HIVEP3: variants seen among roughly 807,000 people sequenced by gnomAD.
The protein encoded by HIVEP3 is HIVEP zinc finger 3.
In HIVEP3, 49 loss-of-function variants were observed where a neutral mutation model predicts 152.8. That is an observed-to-expected ratio of 0.32 (90% CI 0.26 to 0.41). The LOEUF is 0.41. HIVEP3 is among the 10% of genes least tolerant of loss of function. The pLI, the probability that HIVEP3 is intolerant of heterozygous loss-of-function variation, is 1.00. For synonymous variants in HIVEP3, 1,269 were observed against 1,289.0 expected, an observed-to-expected ratio of 0.98 and a Z score of 0.33; for missense variants, 2,790 against 3,103.3, an observed-to-expected ratio of 0.90 and a Z score of 2.40.
intron 1 of HIVEP3, among the ~76,000 whole-genome samples, chr1:41,911,019 A>G (rs920111738): frequency 3.3e-5 from 5 of 152,132 alleles, no homozygotes; most frequent in Non-Finnish European, 7.4e-5. Flanking sequence ...ATTTTATTAC[A>G]TTGAAATTAA....
intron 2 of HIVEP3, among the ~76,000 whole-genome samples, chr1:41,653,815 T>TC (rs1248976201): frequency 6.6e-6 from 1 of 151,920 alleles, no homozygotes; most frequent in African/African-American, 2.4e-5. Context: ...AGCCCAAGGG[T>TC]CCCCAGAGAC....
chr1:41,808,144 C>T (rs1046326499), intron 1 of HIVEP3, among the ~76,000 whole-genome samples: 2 of 152,226 alleles, frequency 1.3e-5, no homozygotes, highest in Non-Finnish European at 2.9e-5. Flanking sequence ...TTACTACCCC[C>T]ATTTGGTAGA....
chr1:41,887,860 G>A (rs570176034), intron 1 of HIVEP3, among the ~76,000 whole-genome samples: 91 of 152,064 alleles, frequency 6.0e-4, no homozygotes, highest in African/African-American at 2.0e-3. Flanking sequence ...GGCCACATGC[G>A]GCTATTTAAA....
chr1:41,852,405 G>A (rs553293822), intron 1 of HIVEP3, among the ~76,000 whole-genome samples: 27 of 152,348 alleles, frequency 1.8e-4, no homozygotes, highest in South Asian at 1.0e-3. Flanking sequence ...GAAACAAGCC[G>A]GAAGCCCTCA....
At chr1:41,610,193 C>T (rs1644878447) in intron 3 of HIVEP3, among the ~76,000 whole-genome samples, 1 of 152,188 alleles carries the variant, frequency 6.6e-6, no homozygotes, top group Non-Finnish European at 1.5e-5. Flanking sequence ...CACACATACA[C>T]AATTGGTTCT....
intron 1 of HIVEP3, among the ~76,000 whole-genome samples, chr1:41,865,989 T>C (rs929143951): frequency 6.6e-6 from 1 of 152,208 alleles, no homozygotes; most frequent in Non-Finnish European, 1.5e-5. Flanking sequence ...ATCTGAGGCC[T>C]TCTGTGCCTT....
intron 1 of HIVEP3, among the ~76,000 whole-genome samples, chr1:41,795,070 A>T (rs1327217049): frequency 6.6e-6 from 1 of 152,254 alleles, no homozygotes; most frequent in Non-Finnish European, 1.5e-5. Flanking sequence ...CTAAGAAATT[A>T]ACACTGGTAC....
At position 41,580,927 on chromosome 1, in the gene HIVEP3, C is replaced by G; in HGVS notation, c.3871G>C (p.Ala1291Pro). 6.2e-7 allele frequency: 1 copy of G among 1,612,366 alleles called. No individual in the cohort carries two copies. ...GGTGCTGAGGAGCTGGCTGGGGGAG[C>G]CACAGGGGGTAGCCGGATGTCACTG... ...YSSDIRLPPVAPPASSSAPTS... is the reference protein window; with the variant it reads ...YSSDIRLPPVPPPASSSAPTS... Residue 1291 changes from alanine (A) to proline (P), a missense_variant, in exon 4 of 9, where the codon GCT (alanine) becomes CCT (proline). Physicochemically the swap from Ala to Pro is conservative, Grantham distance 27. This residue lies in a region of HIVEP3 where 1,078 missense variants were observed against 1,165.3 expected (regional missense o/e 0.93). Coordinates refer to ENST00000372583, the MANE Select transcript of HIVEP3 (RefSeq NM_024503.5).
intron 2 of HIVEP3, among the ~76,000 whole-genome samples, chr1:41,671,479 C>T (rs747846853): frequency 2.6e-5 from 4 of 152,324 alleles, no homozygotes; most frequent in African/African-American, 4.8e-5. Context: ...GACCAATAGG[C>T]CCTGCCATGG....
intron 2 of HIVEP3, among the ~76,000 whole-genome samples, chr1:41,693,611 TC>T (rs370609307): frequency 6.6e-6 from 1 of 152,348 alleles, no homozygotes; most frequent in Non-Finnish European, 1.5e-5. Flanking sequence ...TTTGTTATCA[TC>T]CTTTAACCTG....
chr1:41,675,204 G>T (rs572612872), intron 2 of HIVEP3, among the ~76,000 whole-genome samples: 30 of 152,078 alleles, frequency 2.0e-4, no homozygotes, highest in Non-Finnish European at 3.7e-4. Flanking sequence ...TCTTCCACAT[G>T]GTGTCCAAGG....
chr1:41,921,065 G>A (rs1557523578), upstream of HIVEP3, among the ~76,000 whole-genome samples: 1 of 152,216 alleles, frequency 6.6e-6, no homozygotes, highest in African/African-American at 2.4e-5. Flanking sequence ...CTATCCATAT[G>A]ATGTGTCAGA....
At chr1:41,572,143 A>T (rs1283553586) in intron 5 of HIVEP3, among the ~76,000 whole-genome samples, 3 of 152,192 alleles carry the variant, frequency 2.0e-5, no homozygotes, top group Admixed American at 2.0e-4. Context: ...TGGTTTGCAC[A>T]TGCTAAGTGT....
At chr1:41,723,556 A>G (rs937329552) in intron 1 of HIVEP3, among the ~76,000 whole-genome samples, 3 of 151,974 alleles carry the variant, frequency 2.0e-5, no homozygotes, top group Non-Finnish European at 4.4e-5. Context: ...ATATGCTGCA[A>G]AACTCCGCAG....
intron 1 of HIVEP3, among the ~76,000 whole-genome samples, chr1:41,806,222 C>T (rs576343733): frequency 6.6e-6 from 1 of 152,242 alleles, no homozygotes; most frequent in Admixed American, 6.5e-5. Context: ...AGCCACCCCC[C>T]AGGGCTGCCC....
At chr1:41,882,287 A>G (rs541484347) in intron 1 of HIVEP3, among the ~76,000 whole-genome samples, 23 of 152,302 alleles carry the variant, frequency 1.5e-4, no homozygotes, top group South Asian at 1.2e-3. Flanking sequence ...GGGAGGGAAA[A>G]GGATCGTAAA....
At chr1:41,968,329 A>C (rs1224640688) in intron 1 of HIVEP3, among the ~76,000 whole-genome samples, 1 of 152,220 alleles carries the variant, frequency 6.6e-6, no homozygotes, top group African/African-American at 2.4e-5. Context: ...GGCAAACAAA[A>C]TCCAGCAGCA....
intron 1 of HIVEP3, among the ~76,000 whole-genome samples, chr1:41,947,718 C>G (rs143289849): frequency 0.021 from 3,147 of 152,346 alleles, 66 homozygotes; most frequent in Non-Finnish European, 0.025. Flanking sequence ...AGTCCTTACA[C>G]AGGTCCGAGG....
intron 1 of HIVEP3, among the ~76,000 whole-genome samples, chr1:41,838,553 T>C (rs1643194920): frequency 6.6e-6 from 1 of 152,148 alleles, no homozygotes; most frequent in Non-Finnish European, 1.5e-5. Context: ...TACCCATAAA[T>C]GGCACCCTGA....
Sources: allele counts gnomAD v4.1 joint callset (sites outside exome capture counted in the v4.1 genomes callset), GRCh38; gene constraint gnomAD v4.1.1; regional missense constraint gnomAD v4.1.1; transcripts MANE v1.5; gene names NCBI Gene and HGNC (gene_info 2026-07-23, HGNC 2026-07-21).